Variants in TUBGCP2 observed in about 807,000 individuals in gnomAD.
TUBGCP2 encodes the protein tubulin gamma complex component 2.
A neutral mutation model predicts 92.2 loss-of-function variants in TUBGCP2; 55 were observed. The ratio of observed to expected loss-of-function variants is 0.60; its 90% confidence interval spans 0.48 to 0.75. The LOEUF (loss-of-function observed/expected upper bound fraction) is 0.75. Among genes scored for constraint, TUBGCP2 ranks in the 30% least tolerant of loss-of-function variants. TUBGCP2 has a pLI of 0.00. For missense variants in TUBGCP2, 1,093 were observed against 1,188.9 expected (o/e 0.92, Z 1.19); for synonymous variants, 533 against 505.2 (o/e 1.06, Z -0.74).
At chr10:133,288,001 A>C in intron 11 of TUBGCP2, 128 bp downstream of exon 11, 27 of 1,281,220 alleles carry the variant, frequency 2.1e-5, no homozygotes, top group Non-Finnish European at 2.8e-5. Context: ...AGCCAAGTGA[A>C]GGAAACAGAC....
chr10:133,293,848 A>G, intron 5 of TUBGCP2, 79 bp from the exon 6 acceptor site: 1 of 1,346,478 alleles, frequency 7.4e-7, no homozygotes, highest in Non-Finnish European at 1.0e-6. Context: ...TCTGCGGGTC[A>G]GTCTCACTCT....
chr10:133,287,316 C>G (rs577790654), intron 11 of TUBGCP2, among the ~76,000 whole-genome samples: 1 of 152,314 alleles, frequency 6.6e-6, no homozygotes, highest in Admixed American at 6.5e-5. Flanking sequence ...CCCTGCCAAA[C>G]AGCCAAAGAA....
chr10:133,309,294 G>GCGCGGGATGACTGGGGC (rs1429840470), upstream of TUBGCP2: 15 of 1,463,178 alleles, frequency 1.0e-5, no homozygotes, highest in Non-Finnish European at 1.4e-5. Flanking sequence ...CGGGACCGGA[G>GCGCGGGATGACTGGGGC]CGCGGGATGA....
At position 133,285,584 on chromosome 10, in the gene TUBGCP2, G is replaced by A. The variant is rs768697948; in HGVS notation, c.1767C>T (p.Val589=). 102 of 1,549,384 alleles carry A rather than the reference G, an allele frequency of 6.6e-5. No homozygotes were observed. The highest frequency in any genetic ancestry group is 8.4e-5 in the Non-Finnish European group (96 of 1,145,824). The change falls in exon 12 of 18, where the codon GTC becomes GTT. Residue 589 remains valine (V), a synonymous_variant. Transcript: ENST00000252936. This position sits in a 1 kb window ranked among gnomAD's most constrained non-coding sequence, Gnocchi z 6.8. ...TCTCCTGCTTGGTCTCGATGGCCAGGACGCGCAAGAGCTGAGTGATGAGGT... is the reference window on the plus strand; with the variant it reads ...TCTCCTGCTTGGTCTCGATGGCCAGAACGCGCAAGAGCTGAGTGATGAGGT... ...PHDLITQLLR[V]LAIETKQEKA...
intron 11 of TUBGCP2, among the ~76,000 whole-genome samples, chr10:133,287,874 A>C (rs2995329): frequency 6.6e-6 from 1 of 152,208 alleles, no homozygotes; most frequent in African/African-American, 2.4e-5. Flanking sequence ...ACAATTCCAC[A>C]AGGCCAGCAT....
rs777793944 is a variant in TUBGCP2, at chr10:133,285,063, C to T, written c.2024+22G>A. 2.1e-5 allele frequency: 33 copies of T among 1,583,812 alleles called. No individual in the cohort carries two copies. The highest frequency in any genetic ancestry group is 1.9e-4 in the Middle Eastern group (1 of 5,346). On this transcript the variant is annotated intron_variant, in intron 13 of 17. Coordinates refer to ENST00000252936, the MANE Select transcript of TUBGCP2 (RefSeq NM_006659.4). The surrounding 1 kb of genome is among the most constrained non-coding windows in gnomAD (Gnocchi z 6.8). The stretch of plus-strand genomic sequence containing the variant: ...GCGAGCGCTGCTTCAGGAGGGCATG[C>T]GGGGGCAGAGGAAGAACGCACCACT...
chr10:133,310,547 G>C (rs1337408421), upstream of TUBGCP2: 1 of 509,972 alleles, frequency 2.0e-6, no homozygotes, highest in African/African-American at 1.9e-5. Flanking sequence ...GTGTGGGAAT[G>C]AGCGGGCGCA....
chr10:133,308,680 G>C (rs1183346096), intron 1 of TUBGCP2, 143 bp downstream of exon 1: 2 of 266,554 alleles, frequency 7.5e-6, no homozygotes, highest in Non-Finnish European at 1.4e-5. Flanking sequence ...TTCGGCCCCA[G>C]AGTTCGGGGA....
chr10:133,309,288 A>T (rs1313045607), upstream of TUBGCP2: 23 of 1,432,506 alleles, frequency 1.6e-5, no homozygotes, highest in Non-Finnish European at 2.2e-5. Flanking sequence ...GTGGGGCGGG[A>T]CCGGAGCGCG....
At chr10:133,287,967 C>T (rs1420040674) in intron 11 of TUBGCP2, among the ~76,000 whole-genome samples, 162 bp downstream of exon 11, 1 of 152,208 alleles carries the variant, frequency 6.6e-6, no homozygotes, top group African/African-American at 2.4e-5. Flanking sequence ...CAAAGACCCC[C>T]GATCCCGGCA....
At position 133,285,553 on chromosome 10, in the gene TUBGCP2, T is replaced by C. The variant is rs780932261; in HGVS notation, c.1798A>G (p.Met600Val). The C allele has an allele frequency of 1.7e-5, 27 of 1,581,780 alleles. No individual in the cohort carries two copies. The highest frequency in any genetic ancestry group is 2.0e-5 in the Non-Finnish European group (23 of 1,160,928). The change falls in exon 12 of 18, where the codon ATG (methionine) becomes GTG (valine). Residue 600 changes from methionine (M) to valine (V), a missense_variant. By Grantham distance (21) the Met-to-Val change is conservative. This residue lies in a region of TUBGCP2 where 598 missense variants were observed against 675.5 expected (regional missense o/e 0.89). Coordinates refer to ENST00000252936, the MANE Select transcript of TUBGCP2 (RefSeq NM_006659.4). This position sits in a 1 kb window ranked among gnomAD's most constrained non-coding sequence, Gnocchi z 6.8. The part of the protein sequence containing the change: ...LAIETKQEKA[M>V]AHADPTELAL... ...AGCTCCGTGGGGTCGGCGTGCGCCA[T>C]CGCCTTCTCCTGCTTGGTCTCGATG...
Position 133,284,968 on chromosome 10 carries a change from C to A in TUBGCP2, c.2024+117G>T, listed in dbSNP as rs1201586149. 2.1e-6 allele frequency: 3 copies of A among 1,447,716 alleles called. No individual in the cohort carries two copies. In the African/African-American group the frequency reaches 4.3e-5, roughly 21 times the overall value. The allele number at this position is 1,447,716 out of a possible 1,614,324, so 89.7% of individuals were successfully genotyped here. On this transcript the variant is annotated intron_variant, in intron 13 of 17. Coordinates refer to ENST00000252936, the MANE Select transcript of TUBGCP2 (RefSeq NM_006659.4). ...CACCAACGTGCGCTTCCAGATGACA[C>A]TTCCAGAAGCCTAGAAAGCTGTCTA... is the stretch of plus-strand genomic sequence containing the variant.
In TUBGCP2 at chr10:133,300,063, A is replaced by G. The variant is rs1305131377; in HGVS notation, c.201T>C (p.Tyr67=). The change falls in exon 3 of 18, where the codon TAT becomes TAC. Residue 67 remains tyrosine, a synonymous_variant. Transcript: ENST00000252936. ...TTGTATTTTTAGATTTCAGTTCATCATATTTCTTTAGAAAGTCTTCTGGAG... is the reference window on the plus strand; with the variant it reads ...TTGTATTTTTAGATTTCAGTTCATCGTATTTCTTTAGAAAGTCTTCTGGAG... ...SRTPEDFLKK[Y]DELKSKNTRN... is the part of the protein sequence containing the mutation. 6.2e-7 allele frequency: 1 copy of G among 1,614,156 alleles called. No homozygotes were observed. The highest frequency in any genetic ancestry group is 1.1e-5 in the South Asian group (1 of 91,084).
intron 4 of TUBGCP2, among the ~76,000 whole-genome samples, chr10:133,298,827 G>T (rs1290297370): frequency 6.6e-6 from 1 of 152,220 alleles, no homozygotes; most frequent in East Asian, 1.9e-4. Context: ...AACCGGCTGG[G>T]TCCTTGGGAG....
At chr10:133,292,887 G>T in intron 7 of TUBGCP2, 152 bp downstream of exon 7, 2 of 1,098,486 alleles carry the variant, frequency 1.8e-6, no homozygotes, top group Non-Finnish European at 2.6e-6. Context: ...CCTCTTGCAA[G>T]TTAATAGCAC....
chr10:133,288,827 G>A lies in TUBGCP2; in HGVS notation c.1541+13C>T, dbSNP rs752909271. On this transcript the variant is annotated intron_variant, in intron 10 of 17. Transcript: ENST00000252936. ...GAGGTGAGTGCCCGCACAGGGACAG[G>A]GCACGGAATCACCTGAGGTGAGCCA... 1.2e-5 allele frequency: 19 copies of A among 1,597,592 alleles called. No individual in the cohort carries two copies. Among genetic ancestry groups the A allele is most frequent in the South Asian group, 3.4e-5 (3 of 89,322 alleles).
chr10:133,310,072 G>A, upstream of TUBGCP2: 7 of 1,609,638 alleles, frequency 4.3e-6, no homozygotes, highest in Non-Finnish European at 5.9e-6. Flanking sequence ...CAAGGCCGGG[G>A]ACACCTTTCC....
At position 133,292,502 on chromosome 10, in the gene TUBGCP2, T is replaced by G; in HGVS notation, c.1211A>C (p.Tyr404Ser). 6.2e-7 allele frequency: 1 copy of G among 1,612,322 alleles called. No homozygotes were observed. The highest frequency in any genetic ancestry group is 1.1e-5 in the South Asian group (1 of 90,968). The change falls in exon 8 of 18, where the codon TAC becomes TCC. Residue 404 changes from tyrosine (Y) to serine (S), a missense_variant. Transcript: ENST00000252936. ...WIYRGIIHDP[Y>S]SEFMVEEHEL... is the part of the protein sequence containing the mutation. The stretch of plus-strand genomic sequence containing the variant: ...CCCGTGTCCCGGGGAGCCCTACCTG[T>G]ATGGGTCGTGGATGATGCCCCTGTA...
chr10:133,309,475 G>A (rs1205617142), upstream of TUBGCP2: 17 of 1,610,690 alleles, frequency 1.1e-5, no homozygotes, highest in Middle Eastern at 1.7e-4. Context: ...TAAGCGAATG[G>A]GCAGTGCCTA....
Sources: allele counts gnomAD v4.1 joint callset (sites outside exome capture counted in the v4.1 genomes callset), GRCh38; gene constraint gnomAD v4.1.1; regional missense constraint gnomAD v4.1.1; non-coding constraint Gnocchi (gnomAD v3.1); transcripts MANE v1.5; gene names NCBI Gene and HGNC (gene_info 2026-07-23, HGNC 2026-07-21).